FAM135B: variants seen among roughly 807,000 people sequenced by gnomAD.
FAM135B encodes protein FAM135B.
Under a neutral mutation model 127.7 loss-of-function variants are expected in FAM135B, and 43 were observed. That is an observed-to-expected ratio of 0.34 (90% CI 0.26 to 0.43). The LOEUF is 0.43. FAM135B is among the 20% of genes least tolerant of loss of function. The pLI is 1.00. For synonymous variants in FAM135B, 670 were observed against 665.1 expected (o/e 1.01, Z -0.11); for missense variants, 1,558 against 1,725.6 (o/e 0.90, Z 1.72).
At chr8:138,138,199 C>T (rs1468545370) in intron 18 of FAM135B, among the ~76,000 whole-genome samples, 2 of 152,228 alleles carry the variant, frequency 1.3e-5, no homozygotes, top group Non-Finnish European at 2.9e-5. Flanking sequence ...CCCTCCTCCT[C>T]CTCCACAGGA....
At chr8:138,195,470 C>T (rs1408263619) in intron 8 of FAM135B, among the ~76,000 whole-genome samples, 163 bp from the exon 9 acceptor site, 1 of 151,586 alleles carries the variant, frequency 6.6e-6, no homozygotes, top group Non-Finnish European at 1.5e-5. Flanking sequence ...AGGGACTGTG[C>T]TTATCAGGAG....
At chr8:138,460,438 A>G (rs908842) in intron 1 of FAM135B, among the ~76,000 whole-genome samples, 71,614 of 151,994 alleles carry the variant, frequency 0.47, 18,181 homozygotes, top group East Asian at 0.84. Flanking sequence ...CCTGGAAGTG[A>G]AGATAAAGGG....
chr8:138,226,583 A>T (rs796226193), intron 7 of FAM135B, among the ~76,000 whole-genome samples: 5 of 152,102 alleles, frequency 3.3e-5, no homozygotes, highest in African/African-American at 1.2e-4. Context: ...TTTGAGATGG[A>T]GGCTCACTCT....
intron 7 of FAM135B, among the ~76,000 whole-genome samples, chr8:138,216,785 A>G (rs893326675): frequency 1.3e-5 from 2 of 152,184 alleles, no homozygotes; most frequent in African/African-American, 4.8e-5. Flanking sequence ...GGAATCTTTG[A>G]CTTGGTAGTC....
intron 2 of FAM135B, among the ~76,000 whole-genome samples, chr8:138,366,376 A>C (rs1830735228): frequency 6.6e-6 from 1 of 152,202 alleles, no homozygotes; most frequent in Non-Finnish European, 1.5e-5. Flanking sequence ...GCAGTAGCAC[A>C]GCCTGGACTC....
chr8:138,307,732 TAAAAAAAA>T (rs60272179), intron 3 of FAM135B, among the ~76,000 whole-genome samples: 1 of 131,694 alleles, frequency 7.6e-6, no homozygotes. Flanking sequence ...CCCATTGTGG[TAAAAAAAA>T]AAAAAAAAAA....
At chr8:138,146,322 G>A (rs369534759) in intron 14 of FAM135B, among the ~76,000 whole-genome samples, 3 of 152,126 alleles carry the variant, frequency 2.0e-5, no homozygotes, top group African/African-American at 7.2e-5. Context: ...TGAACACTCT[G>A]CATACAGGAA....
At chr8:138,225,892 C>A (rs2130120572) in intron 7 of FAM135B, among the ~76,000 whole-genome samples, 1 of 152,104 alleles carries the variant, frequency 6.6e-6, no homozygotes, top group Admixed American at 6.6e-5. Context: ...TAAAGGAGAT[C>A]TGTATACTAT....
intron 18 of FAM135B, 97 bp from the exon 19 acceptor site, chr8:138,137,357 G>T: frequency 1.4e-6 from 1 of 729,606 alleles, no homozygotes; most frequent in East Asian, 2.5e-5. Flanking sequence ...GTCCTATAGA[G>T]AGAAAAAATG....
At chr8:138,398,388 T>C (rs577348121) in intron 1 of FAM135B, among the ~76,000 whole-genome samples, 1 of 152,334 alleles carries the variant, frequency 6.6e-6, no homozygotes, top group Non-Finnish European at 1.5e-5. Flanking sequence ...GATGATTTCA[T>C]ATTAAATCTG....
At chr8:138,434,110 C>T (rs1835342192) in intron 1 of FAM135B, among the ~76,000 whole-genome samples, 1 of 152,144 alleles carries the variant, frequency 6.6e-6, no homozygotes, top group Non-Finnish European at 1.5e-5. Flanking sequence ...GTCACAAGGA[C>T]AAAATATTAT....
At chr8:138,337,574 A>G (rs368459141) in intron 2 of FAM135B, among the ~76,000 whole-genome samples, 18 of 152,242 alleles carry the variant, frequency 1.2e-4, no homozygotes, top group Admixed American at 5.2e-4. Flanking sequence ...TCTCTTCAAG[A>G]AGAACTACAA....
intron 1 of FAM135B, among the ~76,000 whole-genome samples, chr8:138,458,395 T>G (rs1446894096): frequency 6.6e-6 from 1 of 152,190 alleles, no homozygotes; most frequent in Non-Finnish European, 1.5e-5. Flanking sequence ...AAGATGGAGA[T>G]CTGAAGTAAG....
At chr8:138,346,668 G>C (rs555214916) in intron 2 of FAM135B, among the ~76,000 whole-genome samples, 2 of 152,088 alleles carry the variant, frequency 1.3e-5, no homozygotes, top group Non-Finnish European at 2.9e-5. Flanking sequence ...CTGTCGGGGG[G>C]TCAGAGGTGG....
At chr8:138,398,105 C>T (rs1832946372) in intron 1 of FAM135B, among the ~76,000 whole-genome samples, 1 of 152,166 alleles carries the variant, frequency 6.6e-6, no homozygotes. Context: ...CATCCTGGCT[C>T]GTCTGTTCAA....
intron 6 of FAM135B, among the ~76,000 whole-genome samples, chr8:138,248,878 A>G (rs552950923): frequency 6.6e-6 from 1 of 152,018 alleles, no homozygotes; most frequent in African/African-American, 2.4e-5. Flanking sequence ...CCTTTGACTC[A>G]TTCATTGACT....
intron 1 of FAM135B, among the ~76,000 whole-genome samples, chr8:138,381,568 GAGA>G: frequency 6.6e-6 from 1 of 152,332 alleles, no homozygotes; most frequent in Non-Finnish European, 1.5e-5. Flanking sequence ...AAACATGGCA[GAGA>G]ATAGGTATGG....
intron 6 of FAM135B, among the ~76,000 whole-genome samples, chr8:138,250,223 G>A (rs1821596057): frequency 6.6e-6 from 1 of 151,982 alleles, no homozygotes; most frequent in African/African-American, 2.4e-5. Context: ...CGTGGTGGCG[G>A]GTGCCTGTAA....
chr8:138,197,385 A>G, intron 8 of FAM135B, 131 bp downstream of exon 8: 1 of 1,104,138 alleles, frequency 9.1e-7, no homozygotes, highest in South Asian at 1.8e-5. Flanking sequence ...AATAAAAATC[A>G]CAGCCCAAAC....
Sources: gnomAD v4.1 joint callset for allele counts (sites outside exome capture counted in the v4.1 genomes callset) on GRCh38, gnomAD v4.1.1 for gene constraint, MANE v1.5 for transcripts, NCBI Gene and HGNC (gene_info 2026-07-23, HGNC 2026-07-21) for gene names.